Variants in UBN2 observed in about 807,000 individuals in gnomAD.
The protein encoded by UBN2 is ubinuclein 2.
A neutral mutation model predicts 120.2 loss-of-function variants in UBN2; 35 were observed. The ratio of observed to expected loss-of-function variants is 0.29; its 90% CI spans 0.22 to 0.39. The LOEUF (loss-of-function observed/expected upper bound fraction) is 0.39. UBN2 is among the 10% of genes least tolerant of loss of function. The pLI, the probability that UBN2 is intolerant of heterozygous loss-of-function variation, is 1.00. For synonymous variants in UBN2, 661 were observed against 648.7 expected, an observed-to-expected ratio of 1.02 and a Z score of -0.29; for missense variants, 1,693 against 1,663.2, an observed-to-expected ratio of 1.02 and a Z score of -0.31.
intron 17 of UBN2, 40 bp downstream of exon 17, chr7:139,294,021 A>G (rs774113944): frequency 1.9e-6 from 3 of 1,578,818 alleles, no homozygotes; most frequent in East Asian, 2.2e-5. Flanking sequence ...TTATTTGTAT[A>G]GGCTTATAGA....
At chr7:139,321,683 G>A in the UBN2 span, among the ~76,000 whole-genome samples, 1 of 152,120 alleles carries the variant, frequency 6.6e-6, no homozygotes, top group Non-Finnish European at 1.5e-5. Context: ...GTGGCCTGGG[G>A]GTGGAGACTC....
At chr7:139,254,432 A>G (rs1047669906) in intron 3 of UBN2, among the ~76,000 whole-genome samples, 5 of 152,240 alleles carry the variant, frequency 3.3e-5, no homozygotes, top group African/African-American at 7.2e-5. Flanking sequence ...TTGTCAACCA[A>G]TAAATCAGGG....
intron 15 of UBN2, among the ~76,000 whole-genome samples, chr7:139,286,037 C>T (rs1797777127): frequency 6.6e-6 from 1 of 152,210 alleles, no homozygotes; most frequent in Non-Finnish European, 1.5e-5. Context: ...AGCAGTTCTC[C>T]CTGCCTCAGC....
intron 13 of UBN2, among the ~76,000 whole-genome samples, chr7:139,281,135 A>G (rs986256681): frequency 2.0e-5 from 3 of 152,248 alleles, no homozygotes; most frequent in African/African-American, 7.2e-5. Flanking sequence ...CATATGATTA[A>G]TAGAATAATA....
the UBN2 span, among the ~76,000 whole-genome samples, chr7:139,330,389 G>A: frequency 6.6e-6 from 1 of 152,200 alleles, no homozygotes; most frequent in Non-Finnish European, 1.5e-5. Context: ...TTGTAGAACT[G>A]AAACTGTGTA....
At chr7:139,270,228 G>A (rs1031392541) in intron 8 of UBN2, among the ~76,000 whole-genome samples, 11 of 149,976 alleles carry the variant, frequency 7.3e-5, no homozygotes, top group African/African-American at 2.5e-4. Context: ...GCTCAATATT[G>A]TGCACCTGAG....
the UBN2 span, among the ~76,000 whole-genome samples, chr7:139,323,646 G>A: frequency 6.6e-6 from 1 of 150,844 alleles, no homozygotes; most frequent in Admixed American, 6.6e-5. Context: ...CTGGAGTTCA[G>A]TGGCGCGATC....
chr7:139,299,780 A>G lies in UBN2; in HGVS notation c.*1944A>G, dbSNP rs1037550733. ...GGTTTCAATTAAGGAAGCTTGCCCA[A>G]TTTTTTTAATTTTTTCAAATGTAGT... On this transcript the variant is annotated 3_prime_UTR_variant, in exon 18 of 18. Transcript: ENST00000473989. The G allele has an allele frequency of 1.3e-5, 2 of 152,074 alleles. No homozygotes were observed. The highest frequency in any genetic ancestry group is 2.9e-5 in the Non-Finnish European group (2 of 68,008). 9.4% of individuals were successfully genotyped at this position (152,074 alleles called of 1,614,324 possible).
At chr7:139,282,212 T>C (rs528139990) in intron 14 of UBN2, among the ~76,000 whole-genome samples, 157 bp downstream of exon 14, 40 of 152,358 alleles carry the variant, frequency 2.6e-4, no homozygotes, top group African/African-American at 6.7e-4. Flanking sequence ...TACTTTTATC[T>C]TTAAAAATAA....
At chr7:139,267,131 A>C (rs1163458688) in intron 7 of UBN2, among the ~76,000 whole-genome samples, 2 of 152,256 alleles carry the variant, frequency 1.3e-5, no homozygotes, top group African/African-American at 4.8e-5. Flanking sequence ...AATTGGATGC[A>C]GAACTGGGCA....
chr7:139,269,296 G>T (rs1022929072), intron 7 of UBN2, 98 bp from the exon 8 acceptor site: 7 of 1,250,096 alleles, frequency 5.6e-6, no homozygotes, highest in Non-Finnish European at 7.7e-6. Flanking sequence ...ATCATGAAAA[G>T]ATAAAATGAG....
At chr7:139,264,081 T>G (rs1006322789) in intron 6 of UBN2, among the ~76,000 whole-genome samples, 1 of 152,220 alleles carries the variant, frequency 6.6e-6, no homozygotes, top group Non-Finnish European at 1.5e-5. Context: ...TTATTGAATC[T>G]AAAAATAGTA....
rs1014534123 is a variant in UBN2 at position 139,300,859 on chromosome 7, A to C, written c.*3023A>C. On this transcript the variant is annotated 3_prime_UTR_variant, in exon 18 of 18. Transcript: ENST00000473989. ...TGAGCCTCAGTTGGAGACTGGGAGC[A>C]AAGTGTCAAGCTCATTCAGAGCATC... 5 of 152,234 alleles carry C rather than the reference A, an allele frequency of 3.3e-5. No individual in the cohort carries two copies. The highest frequency in any genetic ancestry group is 7.2e-5 in the African/African-American group (3 of 41,460). 9.4% of individuals were successfully genotyped at this position (152,234 alleles called of 1,614,324 possible). A position where few individuals can be genotyped will look rare whatever the true frequency, so the allele number is the denominator to read the frequency against.
At position 139,306,238 on chromosome 7, in the gene UBN2, A is replaced by G. The variant is rs1365720043; in HGVS notation, c.*8402A>G. 3 of 152,158 alleles carry G rather than the reference A, an allele frequency of 2.0e-5. No individual in the cohort carries two copies. Among genetic ancestry groups the G allele is most frequent in the African/African-American group, 4.8e-5 (2 of 41,422 alleles). The allele number at this position is 152,158 out of a possible 1,614,324, so 9.4% of individuals were successfully genotyped here. ...TTTCTGTGTGGCAACCTGCCCTTAAATTGTCAGATCTTAACTATCTTGTGT... is the reference window on the plus strand; with the variant it reads ...TTTCTGTGTGGCAACCTGCCCTTAAGTTGTCAGATCTTAACTATCTTGTGT... On this transcript the variant is annotated 3_prime_UTR_variant, in exon 18 of 18. Coordinates refer to ENST00000473989, the MANE Select transcript of UBN2 (RefSeq NM_173569.4).
chr7:139,238,172 G>C (rs1202314923), intron 2 of UBN2, among the ~76,000 whole-genome samples: 1 of 152,088 alleles, frequency 6.6e-6, no homozygotes, highest in Admixed American at 6.5e-5. Flanking sequence ...ATTCCTCTGT[G>C]AGCATTGAAA....
chr7:139,289,164 A>G (rs1433890059), intron 15 of UBN2, among the ~76,000 whole-genome samples: 1 of 152,132 alleles, frequency 6.6e-6, no homozygotes, highest in Non-Finnish European at 1.5e-5. Flanking sequence ...CTTGTGCATG[A>G]TCCCAGATGA....
chr7:139,274,607 A>G (rs1771643290), intron 11 of UBN2, among the ~76,000 whole-genome samples: 1 of 151,964 alleles, frequency 6.6e-6, no homozygotes, highest in Non-Finnish European at 1.5e-5. Flanking sequence ...TACTAAAAAT[A>G]CAAAATTAGC....
At chr7:139,323,078 A>G in the UBN2 span, among the ~76,000 whole-genome samples, 1 of 152,204 alleles carries the variant, frequency 6.6e-6, no homozygotes, top group East Asian at 1.9e-4. Flanking sequence ...GGATGTCATC[A>G]GTGGGTTAAC....
rs754304809 is a variant in UBN2, at chr7:139,284,397, T to G, written c.3492T>G (p.Ser1164Arg). The change falls in exon 15 of 18, where the codon AGT becomes AGG. Residue 1164 changes from serine (S) to arginine (R), a missense_variant. Ser to Arg is a moderately radical substitution (Grantham distance 110). This residue lies in a region of UBN2 where 837 missense variants were observed against 817.6 expected (regional missense o/e 1.02). Transcript: ENST00000473989. The part of the protein sequence containing the change: ...STGTVGKNSL[S>R]GIAMNVPASR... ...GAACTGTTGGGAAGAACAGCTTGAG[T>G]GGAATTGCAATGAATGTACCTGCCA... 287 of 1,613,996 alleles carry G rather than the reference T, an allele frequency of 1.8e-4. 5 individuals carry two copies. The Middle Eastern group carries it at 2.0e-3, about 11-fold the overall frequency.
Sources: allele counts gnomAD v4.1 joint callset (sites outside exome capture counted in the v4.1 genomes callset), GRCh38; gene constraint gnomAD v4.1.1; regional missense constraint gnomAD v4.1.1; transcripts MANE v1.5; gene names NCBI Gene and HGNC (gene_info 2026-07-23, HGNC 2026-07-21).